Variants in ESRRG observed in about 807,000 individuals in gnomAD.
The protein encoded by ESRRG is estrogen-related receptor gamma.
ESRRG carries 13 observed loss-of-function variants against 44.0 expected under a neutral mutation model. The ratio of observed to expected loss-of-function variants is 0.30; its 90% CI spans 0.19 to 0.47. ESRRG has a LOEUF of 0.47. ESRRG is among the 20% of genes least tolerant of loss of function. The pLI, the probability that ESRRG is intolerant of heterozygous loss-of-function variation, is 1.00. For missense variants in ESRRG, 395 were observed against 580.6 expected, an observed-to-expected ratio of 0.68 and a Z score of 3.29; for synonymous variants, 215 against 214.6, an observed-to-expected ratio of 1.00 and a Z score of -0.02.
chr1:216,731,851 A>G (rs2088843207), intron 2 of ESRRG, among the ~76,000 whole-genome samples: 1 of 152,222 alleles, frequency 6.6e-6, no homozygotes, highest in Admixed American at 6.5e-5. Context: ...TTATCCAATC[A>G]AACTGTGTTA....
At chr1:216,768,783 G>A (rs1483224980) in intron 2 of ESRRG, among the ~76,000 whole-genome samples, 1 of 152,054 alleles carries the variant, frequency 6.6e-6, no homozygotes, top group Admixed American at 6.6e-5. Flanking sequence ...AAGCCACTGT[G>A]CCCAGCCTCT....
rs890848703 is a variant in ESRRG, at chr1:216,506,776, A to G, written c.*163T>C. 1.4e-5 allele frequency: 10 copies of G among 703,690 alleles called. No homozygotes were observed. The highest frequency in any genetic ancestry group is 1.3e-4 in the African/African-American group (7 of 55,358). The allele number at this position is 703,690 out of a possible 1,614,324, so 43.6% of individuals were successfully genotyped here. A position where few individuals can be genotyped will look rare whatever the true frequency, so the allele number is the denominator to read the frequency against. ...GTAGAAAGAAACTCATCAGGAACCT[A>G]TGGAGGAATCTGAAAGCTGCTTCAT... On this transcript the variant is annotated 3_prime_UTR_variant, in exon 7 of 7. Coordinates refer to ENST00000408911, the MANE Select transcript of ESRRG (RefSeq NM_001438.4).
At chr1:217,103,556 G>A (rs74891713) in intron 1 of ESRRG, among the ~76,000 whole-genome samples, 1 of 151,876 alleles carries the variant, frequency 6.6e-6, no homozygotes, top group East Asian at 1.9e-4. Flanking sequence ...ACTTGAGGAG[G>A]CTGAGGAGGG....
chr1:217,100,414 A>T (rs945274805), intron 1 of ESRRG, among the ~76,000 whole-genome samples: 5 of 152,174 alleles, frequency 3.3e-5, no homozygotes, highest in African/African-American at 1.2e-4. Flanking sequence ...GTGCCCTTTG[A>T]CAGTATCTTT....
intron 3 of ESRRG, among the ~76,000 whole-genome samples, chr1:216,612,635 G>C (rs1213835358): frequency 6.6e-6 from 1 of 152,074 alleles, no homozygotes; most frequent in Non-Finnish European, 1.5e-5. Flanking sequence ...CATATAATCT[G>C]CTTTCCCATT....
intron 1 of ESRRG, among the ~76,000 whole-genome samples, chr1:216,988,905 T>A (rs1042206445): frequency 6.6e-6 from 1 of 152,224 alleles, no homozygotes; most frequent in Non-Finnish European, 1.5e-5. Flanking sequence ...AAGGGCCTCA[T>A]GTTTTGAAGT....
chr1:216,590,080 C>T (rs2057398930), intron 3 of ESRRG, among the ~76,000 whole-genome samples: 1 of 151,742 alleles, frequency 6.6e-6, no homozygotes, highest in Non-Finnish European at 1.5e-5. Flanking sequence ...TGCATATTCT[C>T]CAAGATGTTT....
intron 2 of ESRRG, among the ~76,000 whole-genome samples, chr1:216,662,627 G>GGC (rs35128561): frequency 7.5e-5 from 8 of 106,176 alleles, no homozygotes; most frequent in Non-Finnish European, 1.3e-4. Context: ...CAGGGAGAGT[G>GGC]GGGGGGTTCC....
chr1:216,584,109 C>T (rs2063303477), intron 3 of ESRRG, among the ~76,000 whole-genome samples: 1 of 150,530 alleles, frequency 6.6e-6, no homozygotes, highest in African/African-American at 2.4e-5. Flanking sequence ...GCCATTCTTC[C>T]TCTCATTCTC....
intron 2 of ESRRG, among the ~76,000 whole-genome samples, chr1:216,752,923 CTG>C (rs1419808380): frequency 6.6e-6 from 1 of 151,954 alleles, no homozygotes; most frequent in African/African-American, 2.4e-5. Context: ...TAGAACAGAA[CTG>C]TTTCAAGAAG....
At chr1:216,883,320 G>T (rs1473250238) in intron 2 of ESRRG, among the ~76,000 whole-genome samples, 2 of 149,548 alleles carry the variant, frequency 1.3e-5, no homozygotes, top group African/African-American at 2.5e-5. Flanking sequence ...GGGAGGCGGA[G>T]GTTGCAGTGA....
At chr1:216,696,749 T>A (rs1049345737) in intron 1 of ESRRG, among the ~76,000 whole-genome samples, 30 of 152,230 alleles carry the variant, frequency 2.0e-4, no homozygotes, top group African/African-American at 7.2e-4. Context: ...GGCCAAATAG[T>A]TGCTGTCATT....
intron 5 of ESRRG, among the ~76,000 whole-genome samples, chr1:216,542,812 A>T (rs1051240730): frequency 6.6e-6 from 1 of 151,980 alleles, no homozygotes; most frequent in Non-Finnish European, 1.5e-5. Flanking sequence ...TGGACAATAG[A>T]GTCTTGCATG....
intron 3 of ESRRG, among the ~76,000 whole-genome samples, chr1:216,641,696 C>T (rs990884857): frequency 6.6e-6 from 1 of 152,198 alleles, no homozygotes; most frequent in Non-Finnish European, 1.5e-5. Flanking sequence ...AAAACACAGA[C>T]CCCTAAATAG....
intron 2 of ESRRG, among the ~76,000 whole-genome samples, chr1:216,824,767 C>T (rs944408623): frequency 6.6e-6 from 1 of 152,198 alleles, no homozygotes; most frequent in Non-Finnish European, 1.5e-5. Flanking sequence ...TGCTGCAAGG[C>T]ACTTGCCAGT....
At chr1:216,578,839 T>C (rs571229107) in intron 3 of ESRRG, among the ~76,000 whole-genome samples, 1 of 152,210 alleles carries the variant, frequency 6.6e-6, no homozygotes, top group African/African-American at 2.4e-5. Flanking sequence ...CTATCCACAG[T>C]TGCCTGTAGC....
intron 4 of ESRRG, among the ~76,000 whole-genome samples, chr1:216,565,738 T>C (rs2059568952): frequency 6.6e-6 from 1 of 152,148 alleles, no homozygotes; most frequent in Non-Finnish European, 1.5e-5. Flanking sequence ...TATTCCCAAA[T>C]ACTACGTTGA....
chr1:216,663,268 T>G (rs2073010401), intron 2 of ESRRG, among the ~76,000 whole-genome samples: 1 of 152,112 alleles, frequency 6.6e-6, no homozygotes, highest in South Asian at 2.1e-4. Context: ...GGAAAAAAAG[T>G]ACACTTGAGG....
At chr1:216,940,474 G>A (rs1370061436) in intron 1 of ESRRG, among the ~76,000 whole-genome samples, 1 of 152,218 alleles carries the variant, frequency 6.6e-6, no homozygotes, top group Non-Finnish European at 1.5e-5. Context: ...CAGCTCAGGG[G>A]GTGAGAAGGG....
Sources: allele counts gnomAD v4.1 joint callset (sites outside exome capture counted in the v4.1 genomes callset), GRCh38; gene constraint gnomAD v4.1.1; transcripts MANE v1.5; gene names NCBI Gene and HGNC (gene_info 2026-07-23, HGNC 2026-07-21).